The following MNAT1 variants were observed in gnomAD, a reference collection of about 807,000 sequenced individuals.
The protein encoded by MNAT1 is CDK-activating kinase assembly factor MAT1.
A neutral mutation model predicts 42.0 loss-of-function variants in MNAT1; 43 were observed. That is an observed-to-expected ratio of 1.02 (90% confidence interval 0.80 to 1.32). The LOEUF (loss-of-function observed/expected upper bound fraction) is 1.32. Ranked by LOEUF, MNAT1 falls within the 40% of genes most tolerant of loss-of-function variation. The pLI is 0.00. For synonymous variants in MNAT1, 118 were observed against 120.0 expected (o/e 0.98, Z 0.11); for missense variants, 306 against 350.4 (o/e 0.87, Z 1.01).
intron 7 of MNAT1, among the ~76,000 whole-genome samples, chr14:60,906,156 G>A (rs2035193663): frequency 6.6e-6 from 1 of 152,162 alleles, no homozygotes; most frequent in Non-Finnish European, 1.5e-5. Flanking sequence ...ATATGAATAA[G>A]GAAGAGGAAG....
intron 1 of MNAT1, among the ~76,000 whole-genome samples, chr14:60,759,694 A>G (rs535471836): frequency 5.8e-4 from 88 of 152,332 alleles, no homozygotes; most frequent in African/African-American, 1.9e-3. Context: ...GTAACTTTCT[A>G]CATGCCATAC....
chr14:60,909,934 T>C (rs1566550383), intron 7 of MNAT1, among the ~76,000 whole-genome samples: 1 of 151,770 alleles, frequency 6.6e-6, no homozygotes, highest in Non-Finnish European at 1.5e-5. Flanking sequence ...ATTTTCACGA[T>C]ATTGATTCTT....
chr14:60,802,207 G>A (rs949365983), intron 3 of MNAT1, among the ~76,000 whole-genome samples: 10 of 152,026 alleles, frequency 6.6e-5, no homozygotes, highest in African/African-American at 2.4e-4. Flanking sequence ...TTATTTTGTT[G>A]CCTAAGGATA....
At chr14:60,967,659 C>T (rs954019377) in intron 7 of MNAT1, among the ~76,000 whole-genome samples, 1 of 152,208 alleles carries the variant, frequency 6.6e-6, no homozygotes, top group Admixed American at 6.5e-5. Flanking sequence ...TGAACTCAGG[C>T]TCAGTCTCAG....
chr14:60,943,813 G>A (rs2036222839), intron 7 of MNAT1, among the ~76,000 whole-genome samples: 1 of 152,148 alleles, frequency 6.6e-6, no homozygotes, highest in African/African-American at 2.4e-5. Context: ...CTGTTAGCAT[G>A]TTTTAAAACA....
chr14:60,932,542 C>G (rs1003731910), intron 7 of MNAT1, among the ~76,000 whole-genome samples: 8 of 151,758 alleles, frequency 5.3e-5, no homozygotes, highest in African/African-American at 1.7e-4. Flanking sequence ...TATTTCAGCT[C>G]TGTTTTTTTC....
chr14:60,912,933 T>G (rs942496495), intron 7 of MNAT1, among the ~76,000 whole-genome samples: 5 of 152,252 alleles, frequency 3.3e-5, no homozygotes, highest in Admixed American at 6.5e-5. Flanking sequence ...TCCAGCTTGG[T>G]TCCATTCTCC....
At chr14:60,917,126 C>G (rs1470829732) in intron 7 of MNAT1, among the ~76,000 whole-genome samples, 1 of 152,042 alleles carries the variant, frequency 6.6e-6, no homozygotes, top group East Asian at 1.9e-4. Context: ...AAGAAGTCAC[C>G]GCTCAAATTG....
chr14:60,847,522 T>C (rs1194018287), intron 6 of MNAT1, among the ~76,000 whole-genome samples: 3 of 152,352 alleles, frequency 2.0e-5, no homozygotes, highest in East Asian at 1.9e-4. Context: ...TTTATATCTT[T>C]GATTCTAATG....
intron 6 of MNAT1, among the ~76,000 whole-genome samples, chr14:60,852,531 C>T (rs2139419500): frequency 1.3e-5 from 2 of 152,280 alleles, no homozygotes; most frequent in South Asian, 4.1e-4. Context: ...TTTTGCCATG[C>T]AGAAGCTCTT....
intron 7 of MNAT1, among the ~76,000 whole-genome samples, chr14:60,898,533 A>C (rs2035009307): frequency 6.6e-6 from 1 of 152,050 alleles, no homozygotes; most frequent in South Asian, 2.1e-4. Flanking sequence ...GCATTTTTTC[A>C]TATACCTGTT....
Position 60,799,444 on chromosome 14 carries a change from A to G in MNAT1, c.316+1284A>G, listed in dbSNP as rs775068579. On this transcript the variant is annotated intron_variant, in intron 3 of 7. Coordinates refer to ENST00000261245, the MANE Select transcript of MNAT1 (RefSeq NM_002431.4). ...TACTAAGTATAGGACAAGCTGTTGG[A>G]TAGCAATTGGGAAGAAAAGTAGCTT... 6.2e-6 allele frequency: 6 copies of G among 971,542 alleles called. No homozygotes were observed. In the East Asian group the frequency reaches 6.8e-4, roughly 111 times the overall value. 60.2% of individuals were successfully genotyped at this position (971,542 alleles called of 1,614,324 possible). A position where few individuals can be genotyped will look rare whatever the true frequency, so the allele number is the denominator to read the frequency against.
chr14:60,808,344 T>C lies in MNAT1; in HGVS notation c.336T>C (p.Asn112=). ...VEEIVFNLTN[N]VDLDNTKKKM... is the part of the protein sequence containing the mutation. ...ATGCAGTTTTCAACTTGACCAACAA[T>C]GTGGATTTGGACAACACCAAAAAGA... The change falls in exon 4 of 8, where the codon AAT becomes AAC. Residue 112 remains asparagine (N), a synonymous_variant. Transcript: ENST00000261245. 6.3e-7 allele frequency: 1 copy of C among 1,575,496 alleles called. No individual in the cohort carries two copies. Among genetic ancestry groups the C allele is most frequent in the Non-Finnish European group, 8.6e-7 (1 of 1,166,978 alleles).
chr14:60,795,579 C>T (rs760799030), intron 1 of MNAT1, among the ~76,000 whole-genome samples: 4 of 152,166 alleles, frequency 2.6e-5, no homozygotes, highest in African/African-American at 7.2e-5. Context: ...GAACTTTAAC[C>T]GAATAAAGCT....
chr14:60,865,354 T>C (rs1419734748), intron 6 of MNAT1, among the ~76,000 whole-genome samples: 2 of 152,136 alleles, frequency 1.3e-5, no homozygotes, highest in South Asian at 2.1e-4. Context: ...AGTTCACTTA[T>C]AGTGCCAAGT....
rs532289166 is a variant in MNAT1 at position 60,926,308 on chromosome 14, G to A, written c.810-41921G>A. Among the ~76,000 whole-genome samples, 212 of 152,290 alleles carry A rather than the reference G, an allele frequency of 1.4e-3. 1 individual carries two copies. The highest frequency in any genetic ancestry group is 4.3e-3 in the African/African-American group (179 of 41,562). On this transcript the variant is annotated intron_variant, in intron 7 of 7. Coordinates refer to ENST00000261245, the MANE Select transcript of MNAT1 (RefSeq NM_002431.4). ...CCAGTCCAGTAGACACCAACTGGGC[G>A]TCCTCTAATTCAGTTCTGTTCTGAC...
intron 6 of MNAT1, among the ~76,000 whole-genome samples, chr14:60,877,203 G>A (rs1450321937): frequency 6.6e-6 from 1 of 151,974 alleles, no homozygotes; most frequent in Non-Finnish European, 1.5e-5. Context: ...TAGTGATATT[G>A]AGCATCTTTT....
At chr14:60,749,281 G>C (rs1378378756) in intron 1 of MNAT1, among the ~76,000 whole-genome samples, 1 of 151,988 alleles carries the variant, frequency 6.6e-6, no homozygotes, top group Non-Finnish European at 1.5e-5. Flanking sequence ...GCTATCTATT[G>C]GACATTCAAA....
intron 7 of MNAT1, among the ~76,000 whole-genome samples, chr14:60,945,220 T>C (rs1239754888): frequency 6.6e-6 from 1 of 152,186 alleles, no homozygotes; most frequent in Non-Finnish European, 1.5e-5. Flanking sequence ...CCCAAAATGT[T>C]TTTTTGAGAC....
Sources: gnomAD v4.1 joint callset for allele counts (sites outside exome capture counted in the v4.1 genomes callset) on GRCh38, gnomAD v4.1.1 for gene constraint, MANE v1.5 for transcripts, NCBI Gene and HGNC (gene_info 2026-07-23, HGNC 2026-07-21) for gene names.